Variants in NTM observed in about 807,000 individuals in gnomAD.
The protein encoded by NTM is neurotrimin.
In NTM, 13 loss-of-function variants were observed where a neutral mutation model predicts 42.1. The ratio of observed to expected loss-of-function variants is 0.31; its 90% CI spans 0.20 to 0.49. The LOEUF (loss-of-function observed/expected upper bound fraction) is 0.49, where lower values mean the gene tolerates loss of function less well. NTM is among the 20% of genes least tolerant of loss of function. The pLI, the probability that NTM is intolerant of heterozygous loss-of-function variation, is 0.99. For missense variants in NTM, 373 were observed against 452.8 expected, an observed-to-expected ratio of 0.82 and a Z score of 1.60; for synonymous variants, 187 against 179.2, an observed-to-expected ratio of 1.04 and a Z score of -0.35.
intron 4 of NTM, among the ~76,000 whole-genome samples, chr11:132,277,368 T>C (rs138644096): frequency 6.6e-6 from 1 of 152,296 alleles, no homozygotes; most frequent in East Asian, 1.9e-4. Flanking sequence ...AAGGCATATA[T>C]TGTGCTGGTA....
chr11:131,888,710 T>A (rs2050780307), intron 1 of NTM, among the ~76,000 whole-genome samples: 1 of 152,092 alleles, frequency 6.6e-6, no homozygotes, highest in South Asian at 2.1e-4. Context: ...CTGTGGCGTC[T>A]TATAGAAATA....
intron 1 of NTM, among the ~76,000 whole-genome samples, chr11:131,614,003 A>C (rs2061683960): frequency 1.3e-5 from 2 of 152,174 alleles, no homozygotes; most frequent in African/African-American, 4.8e-5. Context: ...CCTGCTCTGC[A>C]GAAAACCTCA....
intron 1 of NTM, among the ~76,000 whole-genome samples, chr11:131,499,825 A>G (rs2046509582): frequency 6.6e-6 from 1 of 152,314 alleles, no homozygotes; most frequent in South Asian, 2.1e-4. Flanking sequence ...CTCTGCATTT[A>G]CCCTGTGGGT....
chr11:131,898,577 C>T (rs969348105), intron 1 of NTM, among the ~76,000 whole-genome samples: 34 of 152,180 alleles, frequency 2.2e-4, no homozygotes, highest in African/African-American at 8.2e-4. Context: ...AGTCTGTAGC[C>T]ATGGAGGTTG....
rs141809965 is a variant in NTM at position 131,869,858 on chromosome 11, C to G, written c.83-41706C>G. Among the ~76,000 whole-genome samples, 4 of 152,324 alleles carry G rather than the reference C, an allele frequency of 2.6e-5. No individual in the cohort carries two copies. The East Asian group carries it at 5.8e-4, about 22-fold the overall frequency. ...AACAGTTACTGCTCTGTGAGCACGG[C>G]TCTCACTCACCTTTCCTATGCCTTA... On this transcript the variant is annotated intron_variant, in intron 1 of 8. Transcript: ENST00000683400.
chr11:131,658,252 C>T (rs1193342149), intron 1 of NTM, among the ~76,000 whole-genome samples: 4 of 152,180 alleles, frequency 2.6e-5, no homozygotes, highest in Non-Finnish European at 1.5e-5. Flanking sequence ...CTGGGACTTA[C>T]ACATAGAATG....
chr11:131,896,065 C>T lies in NTM; in HGVS notation c.83-15499C>T, dbSNP rs111690340. Among the ~76,000 whole-genome samples the T allele has an allele frequency of 1.1e-3, 171 of 152,294 alleles. 3 individuals are homozygous for T. The highest frequency in any genetic ancestry group is 3.9e-3 in the African/African-American group (162 of 41,566). On this transcript the variant is annotated intron_variant, in intron 1 of 8. Transcript: ENST00000683400. ...AAGAGTTGGGTCTTTATGTCATAGGCAGGGGGAGCCACTGAAACTTCCTAC... is the reference window on the plus strand; with the variant it reads ...AAGAGTTGGGTCTTTATGTCATAGGTAGGGGGAGCCACTGAAACTTCCTAC...
intron 1 of NTM, among the ~76,000 whole-genome samples, chr11:131,838,110 TCA>T (rs1158363866): frequency 6.6e-6 from 1 of 152,178 alleles, no homozygotes; most frequent in East Asian, 1.9e-4. Context: ...TGGATTTTTT[TCA>T]CAGTTATTTA....
chr11:131,638,223 G>GT (rs576095226), intron 1 of NTM, among the ~76,000 whole-genome samples: 1 of 152,164 alleles, frequency 6.6e-6, no homozygotes. Context: ...TCTATAGACA[G>GT]TTTTTTAAAT....
intron 3 of NTM, among the ~76,000 whole-genome samples, chr11:132,159,065 G>C (rs919333494): frequency 1.3e-5 from 2 of 152,202 alleles, no homozygotes; most frequent in African/African-American, 4.8e-5. Flanking sequence ...ATTTCAGAAA[G>C]ATCTCTGGCA....
chr11:132,272,639 A>G (rs970081425), intron 4 of NTM, among the ~76,000 whole-genome samples: 6 of 152,148 alleles, frequency 3.9e-5, no homozygotes, highest in African/African-American at 1.4e-4. Context: ...ATACTACGGT[A>G]AAAAGAGTTG....
At position 131,816,104 on chromosome 11, in the gene NTM, G is replaced by C. The variant is rs981305226; in HGVS notation, c.83-95460G>C. Among the ~76,000 whole-genome samples the C allele has an allele frequency of 3.9e-5, 6 of 152,286 alleles. No individual in the cohort carries two copies. The East Asian group carries it at 1.2e-3, about 29-fold the overall frequency. The stretch of plus-strand genomic sequence containing the variant: ...ATGTGAGGTGCTCTCATTAGTTGCT[G>C]GAAAATTCTGCCTTTTTTGATTATG... On this transcript the variant is annotated intron_variant, in intron 1 of 8. Transcript: ENST00000683400.
intron 1 of NTM, among the ~76,000 whole-genome samples, chr11:131,610,221 G>A (rs547628163): frequency 2.0e-5 from 3 of 152,202 alleles, no homozygotes; most frequent in Non-Finnish European, 4.4e-5. Context: ...CAAGGGCGGA[G>A]TAAATGGAGT....
chr11:132,145,089 A>G (rs2070085280), intron 2 of NTM, among the ~76,000 whole-genome samples: 1 of 152,194 alleles, frequency 6.6e-6, no homozygotes. Flanking sequence ...CCTCAATGAA[A>G]AATTCACCTT....
intron 1 of NTM, among the ~76,000 whole-genome samples, chr11:131,801,258 A>C (rs2092082337): frequency 6.6e-6 from 1 of 152,176 alleles, no homozygotes; most frequent in Admixed American, 6.5e-5. Flanking sequence ...GTAGAATGCT[A>C]TTTGTCCTTC....
intron 1 of NTM, among the ~76,000 whole-genome samples, chr11:131,893,404 A>G (rs983591900): frequency 3.3e-5 from 5 of 152,160 alleles, no homozygotes; most frequent in Admixed American, 6.5e-5. Flanking sequence ...TGTTGTGTTA[A>G]TTAACGTTGC....
intron 2 of NTM, among the ~76,000 whole-genome samples, chr11:132,077,837 G>A (rs2136239903): frequency 6.6e-6 from 1 of 152,264 alleles, no homozygotes; most frequent in Admixed American, 6.5e-5. Flanking sequence ...CTTGCCTCAA[G>A]CAATCCTCTT....
At chr11:131,521,109 G>A (rs1319034459) in intron 1 of NTM, among the ~76,000 whole-genome samples, 1 of 151,926 alleles carries the variant, frequency 6.6e-6, no homozygotes, top group Non-Finnish European at 1.5e-5. Flanking sequence ...TGGATCACGA[G>A]GTCAGGAGTT....
chr11:132,096,505 A>C (rs2136479661), intron 2 of NTM, among the ~76,000 whole-genome samples: 1 of 152,344 alleles, frequency 6.6e-6, no homozygotes, highest in Non-Finnish European at 1.5e-5. Flanking sequence ...CTTAGTATTT[A>C]ATGAGGGAGC....
Sources: allele counts gnomAD v4.1 joint callset (sites outside exome capture counted in the v4.1 genomes callset), GRCh38; gene constraint gnomAD v4.1.1; transcripts MANE v1.5; gene names NCBI Gene and HGNC (gene_info 2026-07-23, HGNC 2026-07-21).